Variants in C2CD2 observed in about 807,000 individuals in gnomAD.
The protein encoded by C2CD2 is C2 domain-containing protein 2.
Under a neutral mutation model 74.3 loss-of-function variants are expected in C2CD2, and 43 were observed. That is an observed-to-expected ratio of 0.58 (90% CI 0.45 to 0.75). C2CD2 has a LOEUF of 0.75. Ranked by LOEUF, C2CD2 falls within the 30% of genes least tolerant of loss-of-function variation. The pLI is 0.00. For missense variants in C2CD2, 801 were observed against 916.3 expected, an observed-to-expected ratio of 0.87 and a Z score of 1.63; for synonymous variants, 422 against 390.7, an observed-to-expected ratio of 1.08 and a Z score of -0.94.
At position 41,923,641 on chromosome 21, in the gene C2CD2, G is replaced by C. The variant is rs2065179044; in HGVS notation, c.379-1556C>G. Among the ~76,000 whole-genome samples, 1 of 152,162 alleles carries C rather than the reference G, an allele frequency of 6.6e-6. No homozygotes were observed. Among genetic ancestry groups the C allele is most frequent in the Non-Finnish European group, 1.5e-5 (1 of 68,026 alleles). ...AATGAGCTCGTTGAAGAAACTGTCA[G>C]ACAGAGAAAGATAATAACCTCAGGA... is the stretch of plus-strand genomic sequence containing the variant. On this transcript the variant is annotated intron_variant, in intron 2 of 13. Coordinates refer to ENST00000380486, the MANE Select transcript of C2CD2 (RefSeq NM_015500.2). The surrounding 1 kb of genome is among the most constrained non-coding windows in gnomAD (Gnocchi z 5.8).
Position 41,892,565 on chromosome 21 carries a change from C to T in C2CD2, c.1871-3221G>A, listed in dbSNP as rs901191615. On this transcript the variant is annotated intron_variant, in intron 13 of 13. Coordinates refer to ENST00000380486, the MANE Select transcript of C2CD2 (RefSeq NM_015500.2). The surrounding 1 kb of genome is among the most constrained non-coding windows in gnomAD (Gnocchi z 4.6). ...GACAGTGAAGCAGCATCCTCAGCCC[C>T]GAGCCCTCCAAACAACAGGCCTCTA... 3.9e-5 allele frequency among the ~76,000 whole-genome samples: 6 copies of T among 152,172 alleles called. No individual in the cohort carries two copies. Among genetic ancestry groups the T allele is most frequent in the African/African-American group, 1.2e-4 (5 of 41,436 alleles).
chr21:41,905,225 G>A (rs1268718711), intron 11 of C2CD2, among the ~76,000 whole-genome samples: 3 of 151,702 alleles, frequency 2.0e-5, no homozygotes, highest in Non-Finnish European at 2.9e-5. Context: ...TATGAATGCC[G>A]CTCCTGGTCT....
intron 1 of C2CD2, among the ~76,000 whole-genome samples, chr21:41,950,347 C>T (rs1376569647): frequency 1.3e-5 from 2 of 152,172 alleles, no homozygotes; most frequent in Non-Finnish European, 2.9e-5. Flanking sequence ...TCCACCTGGC[C>T]AGCAGGCAGA....
At chr21:41,916,646 A>C (rs1463385563) in intron 5 of C2CD2, among the ~76,000 whole-genome samples, 1 of 145,328 alleles carries the variant, frequency 6.9e-6, no homozygotes, top group Admixed American at 7.1e-5. Context: ...ACCAGCCTTC[A>C]TAACTGTGTG....
At position 41,945,585 on chromosome 21, in the gene C2CD2, C is replaced by T. The variant is rs73221447; in HGVS notation, c.280-3340G>A. On this transcript the variant is annotated intron_variant, in intron 1 of 13. Coordinates refer to ENST00000380486, the MANE Select transcript of C2CD2 (RefSeq NM_015500.2). The surrounding 1 kb of genome is among the most constrained non-coding windows in gnomAD (Gnocchi z 4.2). The stretch of plus-strand genomic sequence containing the variant: ...CCCTGATGGCCCAAAGGAGAACAAC[C>T]TAAGCAACTGATTCGGTTTGGCTCT... Among the ~76,000 whole-genome samples the T allele has an allele frequency of 0.029, 4,346 of 152,224 alleles. 70 individuals are homozygous for T. The highest frequency in any genetic ancestry group is 0.051 in the Middle Eastern group (15 of 292).
intron 11 of C2CD2, among the ~76,000 whole-genome samples, chr21:41,902,385 A>G (rs1475588173): frequency 6.6e-6 from 1 of 152,204 alleles, no homozygotes; most frequent in East Asian, 1.9e-4. Context: ...GCTTACGGCA[A>G]ACCAGGTGCT....
In C2CD2 at chr21:41,895,633, A is replaced by C. The variant is rs2064813027; in HGVS notation, c.1870+3420T>G. On this transcript the variant is annotated intron_variant, in intron 13 of 13. Coordinates refer to ENST00000380486, the MANE Select transcript of C2CD2 (RefSeq NM_015500.2). This position sits in a 1 kb window ranked among gnomAD's most constrained non-coding sequence, Gnocchi z 5.0. ...GAAAAGTCTTTCCCTGGTTCTAACA[A>C]GGTTTAAAAAACAAATCACAAGAAG... 1.3e-5 allele frequency among the ~76,000 whole-genome samples: 2 copies of C among 152,264 alleles called. No homozygotes were observed. Among genetic ancestry groups the C allele is most frequent in the Admixed American group, 1.3e-4 (2 of 15,292 alleles).
At chr21:41,921,883 T>TA (rs1439607427) in intron 3 of C2CD2, 89 bp downstream of exon 3, 27 of 773,366 alleles carry the variant, frequency 3.5e-5, no homozygotes, top group South Asian at 1.2e-4. Context: ...ACATGAACGT[T>TA]ACAGCCCTCT....
chr21:41,902,144 G>A (rs969369680), intron 11 of C2CD2, among the ~76,000 whole-genome samples: 2 of 152,166 alleles, frequency 1.3e-5, no homozygotes, highest in Non-Finnish European at 2.9e-5. Flanking sequence ...ATTTATTTAA[G>A]TTATACCTGA....
chr21:41,894,865 T>A, intron 13 of C2CD2: 1 of 456,732 alleles, frequency 2.2e-6, no homozygotes, highest in South Asian at 1.5e-5. Context: ...ATGGTGGTTG[T>A]GAGGGTCAAG....
At chr21:41,908,474 T>C (rs536091724) in intron 8 of C2CD2, 2 of 152,458 alleles carry the variant, frequency 1.3e-5, no homozygotes, top group African/African-American at 2.4e-5. Context: ...GACCCAGGAA[T>C]GGGATCAGAA....
chr21:41,889,859 T>A (rs545987557), intron 13 of C2CD2, among the ~76,000 whole-genome samples: 1 of 152,250 alleles, frequency 6.6e-6, no homozygotes, highest in East Asian at 1.9e-4. Flanking sequence ...GGTCTCGAAC[T>A]CCTGACCTCA....
intron 12 of C2CD2, among the ~76,000 whole-genome samples, chr21:41,900,276 A>AAAAAT (rs541730877): frequency 2.4e-4 from 36 of 152,300 alleles, no homozygotes; most frequent in African/African-American, 8.4e-4. Flanking sequence ...TCCGTCTCAA[A>AAAAAT]AAAATAAAAT....
At chr21:41,927,816 G>C (rs940240471) in intron 2 of C2CD2, among the ~76,000 whole-genome samples, 2 of 152,120 alleles carry the variant, frequency 1.3e-5, no homozygotes, top group Non-Finnish European at 2.9e-5. Flanking sequence ...GAGATGAAAA[G>C]GGTTGGAAAC....
At position 41,909,559 on chromosome 21, in the gene C2CD2, T is replaced by A. The variant is rs749182956; in HGVS notation, c.954-36A>T. 7.5e-6 allele frequency: 10 copies of A among 1,336,454 alleles called. No homozygotes were observed. In the Admixed American group the frequency reaches 1.7e-4, roughly 22 times the overall value. 82.8% of individuals were successfully genotyped at this position (1,336,454 alleles called of 1,614,324 possible). The stretch of plus-strand genomic sequence containing the variant: ...GAAACAAGTTATGAGTCCTAAAAAA[T>A]GCAATGCTTGATTCTTTTTATGAAA... On this transcript the variant is annotated intron_variant, in intron 7 of 13. Coordinates refer to ENST00000380486, the MANE Select transcript of C2CD2 (RefSeq NM_015500.2).
At position 41,929,383 on chromosome 21, in the gene C2CD2, C is replaced by T. The variant is rs1177804200; in HGVS notation, c.379-7298G>A. Among the ~76,000 whole-genome samples, 2 of 152,316 alleles carry T rather than the reference C, an allele frequency of 1.3e-5. No individual in the cohort carries two copies. The highest frequency in any genetic ancestry group is 1.9e-4 in the East Asian group (1 of 5,176). On this transcript the variant is annotated intron_variant, in intron 2 of 13. Coordinates refer to ENST00000380486, the MANE Select transcript of C2CD2 (RefSeq NM_015500.2). The surrounding 1 kb of genome is among the most constrained non-coding windows in gnomAD (Gnocchi z 4.6). Reference sequence around the variant, plus strand: ...GGGCACACCTGATGCCATCACATGCCACAACGTGTGCCATGCGGGGTACTG... The same window carrying T: ...GGGCACACCTGATGCCATCACATGCTACAACGTGTGCCATGCGGGGTACTG...
intron 2 of C2CD2, among the ~76,000 whole-genome samples, chr21:41,933,794 A>C (rs2065283502): frequency 1.3e-5 from 2 of 152,156 alleles, no homozygotes; most frequent in Non-Finnish European, 1.5e-5. Context: ...AGGGGAGGGA[A>C]CCCGTCTACT....
At chr21:41,909,562 A>G (rs748278942) in intron 7 of C2CD2, 39 bp from the exon 8 acceptor site, 1 of 1,309,242 alleles carries the variant, frequency 7.6e-7, no homozygotes, top group Admixed American at 1.7e-5. Flanking sequence ...TAAAAAATGC[A>G]ATGCTTGATT....
intron 11 of C2CD2, among the ~76,000 whole-genome samples, chr21:41,904,737 C>A (rs1055827373): frequency 6.6e-6 from 1 of 152,198 alleles, no homozygotes; most frequent in Non-Finnish European, 1.5e-5. Flanking sequence ...GAACTTTCCA[C>A]TCCCCTGACT....
Sources: gnomAD v4.1 joint callset for allele counts (sites outside exome capture counted in the v4.1 genomes callset) on GRCh38, gnomAD v4.1.1 for gene constraint, Gnocchi (gnomAD v3.1) non-coding constraint, MANE v1.5 for transcripts, NCBI Gene and HGNC (gene_info 2026-07-23, HGNC 2026-07-21) for gene names.